The following LRRC4C variants were observed in gnomAD, a reference collection of about 807,000 sequenced individuals.
LRRC4C encodes leucine rich repeat containing 4C.
In LRRC4C, 5 loss-of-function variants were observed where a neutral mutation model predicts 33.6. That is an observed-to-expected ratio of 0.15 (90% CI 0.08 to 0.31). LRRC4C has a LOEUF of 0.31. Among genes scored for constraint, LRRC4C ranks in the 10% least tolerant of loss-of-function variants. LRRC4C has a pLI of 1.00. For missense variants in LRRC4C, 560 were observed against 796.7 expected, an observed-to-expected ratio of 0.70 and a Z score of 3.58; for synonymous variants, 329 against 302.0, an observed-to-expected ratio of 1.09 and a Z score of -0.93.
chr11:40,787,285 A>C (rs1950451608), intron 2 of LRRC4C, among the ~76,000 whole-genome samples: 1 of 152,040 alleles, frequency 6.6e-6, no homozygotes, highest in African/African-American at 2.4e-5. Context: ...GGAGGAACAG[A>C]GGGAACAAGG....
intron 2 of LRRC4C, among the ~76,000 whole-genome samples, chr11:40,901,159 T>G (rs2136189691): frequency 6.6e-6 from 1 of 152,208 alleles, no homozygotes; most frequent in South Asian, 2.1e-4. Context: ...TCTTATTTTT[T>G]AAAAAGTGTC....
intron 3 of LRRC4C, among the ~76,000 whole-genome samples, chr11:40,527,271 A>T (rs1956091065): frequency 6.6e-6 from 1 of 152,140 alleles, no homozygotes; most frequent in Non-Finnish European, 1.5e-5. Context: ...TCTGCAATAT[A>T]CTTTACGTGC....
chr11:41,286,625 T>C (rs1949836920), intron 1 of LRRC4C, among the ~76,000 whole-genome samples: 1 of 148,408 alleles, frequency 6.7e-6, no homozygotes, highest in African/African-American at 2.5e-5. Flanking sequence ...CAGGTAATGT[T>C]ACTTTGCTTT....
At chr11:40,894,050 A>G (rs764604883) in intron 2 of LRRC4C, among the ~76,000 whole-genome samples, 1 of 152,094 alleles carries the variant, frequency 6.6e-6, no homozygotes, top group Non-Finnish European at 1.5e-5. Flanking sequence ...TCATTTGCCA[A>G]TTATAGCTGG....
chr11:41,416,795 CTTT>C (rs1954698383), intron 1 of LRRC4C, among the ~76,000 whole-genome samples: 1 of 151,958 alleles, frequency 6.6e-6, no homozygotes, highest in Non-Finnish European at 1.5e-5. Context: ...TGCTATGAGA[CTTT>C]TTACATACTA....
At chr11:40,399,234 G>A (rs1220930534) in intron 3 of LRRC4C, among the ~76,000 whole-genome samples, 1 of 151,996 alleles carries the variant, frequency 6.6e-6, no homozygotes, top group Non-Finnish European at 1.5e-5. Context: ...ACATGCACAC[G>A]TATGTTTATT....
At chr11:40,303,481 G>C (rs1287674226) in intron 4 of LRRC4C, among the ~76,000 whole-genome samples, 1 of 152,012 alleles carries the variant, frequency 6.6e-6, no homozygotes, top group Non-Finnish European at 1.5e-5. Flanking sequence ...GTTGTGGTTA[G>C]GCCTTTAAGG....
At chr11:41,034,453 CA>C (rs1387196864) in intron 1 of LRRC4C, among the ~76,000 whole-genome samples, 53 of 146,072 alleles carry the variant, frequency 3.6e-4, no homozygotes, top group Middle Eastern at 3.6e-3. Context: ...CACACACACA[CA>C]CACCATATAT....
At chr11:41,284,825 G>A (rs1203586047) in intron 1 of LRRC4C, among the ~76,000 whole-genome samples, 1 of 152,120 alleles carries the variant, frequency 6.6e-6, no homozygotes, top group Non-Finnish European at 1.5e-5. Context: ...ATGCTGTCTT[G>A]TTTGAAAAAG....
intron 3 of LRRC4C, among the ~76,000 whole-genome samples, chr11:40,418,401 G>A (rs911052317): frequency 4.6e-5 from 7 of 152,016 alleles, no homozygotes; most frequent in African/African-American, 1.4e-4. Context: ...AAATCAAAAC[G>A]ACAATGAGAT....
chr11:40,670,300 C>T (rs1944026383), intron 2 of LRRC4C, among the ~76,000 whole-genome samples: 1 of 152,176 alleles, frequency 6.6e-6, no homozygotes, highest in African/African-American at 2.4e-5. Flanking sequence ...CAAAATTACT[C>T]TCCCTCTTGG....
intron 3 of LRRC4C, among the ~76,000 whole-genome samples, chr11:40,533,850 A>T (rs12271513): frequency 0.088 from 13,377 of 152,176 alleles, 1,670 homozygotes; most frequent in African/African-American, 0.28. Flanking sequence ...CATGTGTCCA[A>T]GGACTCAAGG....
At chr11:41,165,320 G>A (rs148379250) in intron 1 of LRRC4C, among the ~76,000 whole-genome samples, 158 of 152,196 alleles carry the variant, frequency 1.0e-3, no homozygotes, top group Middle Eastern at 3.4e-3. Flanking sequence ...ATTGTTGACC[G>A]AAATGTCATT....
intron 1 of LRRC4C, among the ~76,000 whole-genome samples, chr11:41,011,842 T>TTATATTATATTA (rs1188778303): frequency 6.8e-6 from 1 of 147,778 alleles, no homozygotes; most frequent in Non-Finnish European, 1.5e-5. Flanking sequence ...TTATATTATA[T>TTATATTATATTA]TATATTATGT....
chr11:40,213,930 A>C (rs1216517194), intron 5 of LRRC4C, among the ~76,000 whole-genome samples: 2 of 152,198 alleles, frequency 1.3e-5, no homozygotes, highest in East Asian at 3.8e-4. Flanking sequence ...AAATGAGAAA[A>C]AAAAAGGAGC....
At chr11:40,764,753 AG>A (rs1397563174) in intron 2 of LRRC4C, among the ~76,000 whole-genome samples, 3 of 151,988 alleles carry the variant, frequency 2.0e-5, no homozygotes, top group African/African-American at 7.2e-5. Context: ...TTCCATTTTT[AG>A]GGGGGGAACA....
intron 1 of LRRC4C, among the ~76,000 whole-genome samples, chr11:41,206,869 T>C (rs1565479380): frequency 6.6e-6 from 1 of 152,246 alleles, no homozygotes; most frequent in South Asian, 2.1e-4. Flanking sequence ...GTTAACGTAA[T>C]GTAATAAGAT....
chr11:40,633,325 TTTTC>T (rs1555125485), intron 3 of LRRC4C, among the ~76,000 whole-genome samples: 74 of 112,290 alleles, frequency 6.6e-4, no homozygotes, highest in African/African-American at 2.2e-3. Context: ...CAAGTTTTCT[TTTTC>T]TTTCTTTCTT....
intron 1 of LRRC4C, among the ~76,000 whole-genome samples, chr11:41,235,889 G>A (rs948347170): frequency 9.2e-5 from 14 of 152,046 alleles, no homozygotes; most frequent in African/African-American, 1.2e-4. Flanking sequence ...AGGGTAATGA[G>A]GTAGATACTC....
Sources: gnomAD v4.1 joint callset for allele counts (sites outside exome capture counted in the v4.1 genomes callset) on GRCh38, gnomAD v4.1.1 for gene constraint, MANE v1.5 for transcripts, NCBI Gene and HGNC (gene_info 2026-07-23, HGNC 2026-07-21) for gene names.